SPOCK3: variants seen among roughly 807,000 people sequenced by gnomAD.
SPOCK3 encodes the protein testican-3.
In SPOCK3, 30 loss-of-function variants were observed where a neutral mutation model predicts 56.6. The ratio of observed to expected loss-of-function variants is 0.53; its 90% CI spans 0.40 to 0.72. The LOEUF is 0.72. Among genes scored for constraint, SPOCK3 ranks in the 30% least tolerant of loss-of-function variants. SPOCK3 has a pLI of 0.00. For synonymous variants in SPOCK3, 196 were observed against 183.3 expected, an observed-to-expected ratio of 1.07 and a Z score of -0.56; for missense variants, 527 against 530.0, an observed-to-expected ratio of 0.99 and a Z score of 0.06.
chr4:167,185,904 C>T (rs1016829454), intron 2 of SPOCK3, among the ~76,000 whole-genome samples: 6 of 152,198 alleles, frequency 3.9e-5, no homozygotes, highest in African/African-American at 1.4e-4. Context: ...TTGACAACTA[C>T]TGTATTACAG....
chr4:167,057,997 C>A (rs1481337915), intron 3 of SPOCK3, among the ~76,000 whole-genome samples: 1 of 152,024 alleles, frequency 6.6e-6, no homozygotes, highest in Non-Finnish European at 1.5e-5. Context: ...TTTTTCAGCA[C>A]CACACCACAC....
At chr4:166,750,457 T>C (rs909494761) in intron 8 of SPOCK3, among the ~76,000 whole-genome samples, 1 of 152,134 alleles carries the variant, frequency 6.6e-6, no homozygotes, top group African/African-American at 2.4e-5. Context: ...TAAATTCTTA[T>C]CTTATGTGCT....
intron 9 of SPOCK3, among the ~76,000 whole-genome samples, chr4:166,739,841 A>T (rs887967406): frequency 1.3e-5 from 2 of 152,200 alleles, no homozygotes; most frequent in African/African-American, 4.8e-5. Flanking sequence ...AAGTTTGAAA[A>T]TTGTTATACG....
At chr4:167,025,397 TA>T (rs1193637132) in intron 3 of SPOCK3, among the ~76,000 whole-genome samples, 2 of 151,964 alleles carry the variant, frequency 1.3e-5, no homozygotes, top group Admixed American at 1.3e-4. Context: ...GTTGAAAGGG[TA>T]AAAATACACT....
At chr4:166,735,672 G>A (rs75897620) in intron 10 of SPOCK3, among the ~76,000 whole-genome samples, 6,147 of 152,008 alleles carry the variant, frequency 0.04, 343 homozygotes, top group East Asian at 0.3. Flanking sequence ...CAGTGTTGTC[G>A]GCTTAAGTTT....
intron 2 of SPOCK3, among the ~76,000 whole-genome samples, chr4:167,214,004 A>G (rs1196462874): frequency 6.6e-6 from 1 of 152,140 alleles, no homozygotes; most frequent in Non-Finnish European, 1.5e-5. Context: ...ATAAAATGCT[A>G]TGGTAATATT....
At chr4:166,892,630 A>G (rs951140460) in intron 5 of SPOCK3, among the ~76,000 whole-genome samples, 1 of 152,114 alleles carries the variant, frequency 6.6e-6, no homozygotes, top group Admixed American at 6.6e-5. Flanking sequence ...GTGAACTAAA[A>G]TATCACATAA....
intron 6 of SPOCK3, among the ~76,000 whole-genome samples, chr4:166,878,003 G>A (rs1347254457): frequency 2.6e-5 from 4 of 152,096 alleles, no homozygotes; most frequent in African/African-American, 7.2e-5. Flanking sequence ...ATGGCCGGGC[G>A]CGGTGGCTCA....
chr4:166,884,195 T>C (rs1733958706), intron 6 of SPOCK3, among the ~76,000 whole-genome samples: 1 of 151,828 alleles, frequency 6.6e-6, no homozygotes, highest in Non-Finnish European at 1.5e-5. Flanking sequence ...CTACTAAAAA[T>C]ACAAAAAATT....
At chr4:167,066,581 T>A (rs978417936) in intron 2 of SPOCK3, among the ~76,000 whole-genome samples, 1 of 151,922 alleles carries the variant, frequency 6.6e-6, no homozygotes, top group Non-Finnish European at 1.5e-5. Flanking sequence ...GATTTTTGTG[T>A]AATATTTTAT....
At chr4:167,190,759 G>A (rs997614623) in intron 2 of SPOCK3, among the ~76,000 whole-genome samples, 8 of 145,634 alleles carry the variant, frequency 5.5e-5, no homozygotes, top group South Asian at 2.1e-4. Context: ...TTACTTTTAC[G>A]TCTTTAATCC....
intron 4 of SPOCK3, among the ~76,000 whole-genome samples, chr4:166,970,650 AGGAGGT>A (rs1443368174): frequency 2.0e-5 from 3 of 151,958 alleles, no homozygotes. Context: ...GCTTGAACCC[AGGAGGT>A]GGAGGCTGCA....
chr4:166,754,646 A>G lies in SPOCK3; in HGVS notation c.793T>C (p.Leu265=). Residue 265 remains leucine (L), a synonymous_variant, in exon 8 of 11, where the codon TTG becomes CTG. Coordinates refer to ENST00000357545, the MANE Select transcript of SPOCK3 (RefSeq NM_001040159.2). ...ATGCTTCTGAGCTCTGACTGGTCCA[A>G]TAGCAGGTCATAGTTTGTATCAAGT... ...NRLDTNYDLL[L]DQSELRSIYL... is the part of the protein sequence containing the mutation. 2 of 1,613,748 alleles carry G rather than the reference A, an allele frequency of 1.2e-6. No individual in the cohort carries two copies. Among genetic ancestry groups the G allele is most frequent in the Non-Finnish European group, 1.7e-6 (2 of 1,179,776 alleles).
At chr4:167,163,841 A>G (rs1478602281) in intron 2 of SPOCK3, among the ~76,000 whole-genome samples, 1 of 152,150 alleles carries the variant, frequency 6.6e-6, no homozygotes, top group Non-Finnish European at 1.5e-5. Context: ...TGATCCAGAA[A>G]AAAATCCTGA....
chr4:167,010,098 C>T (rs1208553994), intron 3 of SPOCK3, among the ~76,000 whole-genome samples: 1 of 151,958 alleles, frequency 6.6e-6, no homozygotes, highest in Non-Finnish European at 1.5e-5. Flanking sequence ...AAATTGAAAG[C>T]AACCAAAAGG....
chr4:166,937,071 A>G (rs1273462656), intron 4 of SPOCK3, among the ~76,000 whole-genome samples: 1 of 152,052 alleles, frequency 6.6e-6, no homozygotes, highest in Non-Finnish European at 1.5e-5. Flanking sequence ...TATGTGTAAG[A>G]ACATAGTGTG....
intron 2 of SPOCK3, among the ~76,000 whole-genome samples, chr4:167,215,870 G>T (rs1735302094): frequency 6.6e-6 from 1 of 152,102 alleles, no homozygotes; most frequent in South Asian, 2.1e-4. Flanking sequence ...CAGAAACCTT[G>T]TTCTGTCAGC....
At chr4:167,009,560 G>A (rs541055189) in intron 3 of SPOCK3, among the ~76,000 whole-genome samples, 73 of 152,172 alleles carry the variant, frequency 4.8e-4, no homozygotes, top group African/African-American at 1.6e-3. Flanking sequence ...GGCTGTGAGA[G>A]AAACAAATGC....
At chr4:167,138,077 A>G (rs745515955) in intron 2 of SPOCK3, among the ~76,000 whole-genome samples, 14 of 151,738 alleles carry the variant, frequency 9.2e-5, no homozygotes, top group Non-Finnish European at 1.6e-4. Context: ...TTCTTTAATG[A>G]CCAATTATCT....
Sources: allele counts gnomAD v4.1 joint callset (sites outside exome capture counted in the v4.1 genomes callset), GRCh38; gene constraint gnomAD v4.1.1; transcripts MANE v1.5; gene names NCBI Gene and HGNC (gene_info 2026-07-23, HGNC 2026-07-21).